TOX: variants seen among roughly 807,000 people sequenced by gnomAD.
TOX encodes the protein thymocyte selection associated high mobility group box, also known as thymocyte selection-associated high mobility group box protein TOX.
Under a neutral mutation model 53.7 loss-of-function variants are expected in TOX, and 11 were observed. That is an observed-to-expected ratio of 0.20 (90% CI 0.13 to 0.34). TOX has a LOEUF of 0.34. Ranked by LOEUF, TOX falls within the 10% of genes least tolerant of loss-of-function variation. TOX has a pLI of 1.00. For synonymous variants in TOX, 225 were observed against 245.3 expected, an observed-to-expected ratio of 0.92 and a Z score of 0.77; for missense variants, 570 against 664.6, an observed-to-expected ratio of 0.86 and a Z score of 1.56.
chr8:58,890,593 G>T (rs112182842), intron 3 of TOX, among the ~76,000 whole-genome samples: 1 of 152,182 alleles, frequency 6.6e-6, no homozygotes, highest in South Asian at 2.1e-4. Context: ...AAGGGCAACA[G>T]TGTCATATAA....
intron 2 of TOX, among the ~76,000 whole-genome samples, chr8:58,946,089 A>C (rs1197616606): frequency 6.6e-6 from 1 of 151,574 alleles, no homozygotes; most frequent in Non-Finnish European, 1.5e-5. Context: ...TTGAAAGATA[A>C]ATAAATAGTA....
chr8:59,083,725 T>A (rs1804456091), intron 1 of TOX, among the ~76,000 whole-genome samples: 1 of 152,174 alleles, frequency 6.6e-6, no homozygotes, highest in Non-Finnish European at 1.5e-5. Flanking sequence ...CTCTGCACCA[T>A]GTACATCTGT....
chr8:58,910,627 AAAGT>A (rs1811892932), intron 3 of TOX, among the ~76,000 whole-genome samples: 1 of 152,228 alleles, frequency 6.6e-6, no homozygotes, highest in Admixed American at 6.5e-5. Context: ...TTGAAAGTTT[AAAGT>A]AAGTGAATTA....
intron 1 of TOX, among the ~76,000 whole-genome samples, chr8:59,075,834 C>T (rs1358913125): frequency 6.6e-6 from 1 of 151,862 alleles, no homozygotes. Context: ...GAAGAAACCC[C>T]GTCTCTACTA....
intron 7 of TOX, 116 bp downstream of exon 7, chr8:58,815,222 A>G: frequency 2.2e-6 from 3 of 1,338,172 alleles, no homozygotes; most frequent in Non-Finnish European, 3.0e-6. Flanking sequence ...TGACTTAAAT[A>G]GAAGGATAGA....
At chr8:59,048,014 T>C (rs1363689452) in intron 1 of TOX, among the ~76,000 whole-genome samples, 1 of 152,200 alleles carries the variant, frequency 6.6e-6, no homozygotes, top group Non-Finnish European at 1.5e-5. Flanking sequence ...ATTATTATTA[T>C]AGTAATGTAC....
At chr8:58,947,605 G>C (rs1023113411) in intron 2 of TOX, among the ~76,000 whole-genome samples, 1 of 151,888 alleles carries the variant, frequency 6.6e-6, no homozygotes, top group Non-Finnish European at 1.5e-5. Context: ...CTCTATACTA[G>C]GAAAAAAAAG....
intron 1 of TOX, among the ~76,000 whole-genome samples, chr8:58,990,084 G>A (rs924645801): frequency 3.3e-5 from 5 of 152,200 alleles, no homozygotes; most frequent in Non-Finnish European, 7.3e-5. Context: ...ATATCCCACT[G>A]TCCCAAGCTC....
At position 58,977,827 on chromosome 8, in the gene TOX, C is replaced by T; in HGVS notation, c.103-17819G>A. Among the ~76,000 whole-genome samples, 2 of 151,940 alleles carry T rather than the reference C, an allele frequency of 1.3e-5. 1 individual carries two copies. The highest frequency in any genetic ancestry group is 2.9e-5 in the Non-Finnish European group (2 of 67,994). Reference sequence around the variant, plus strand: ...TTATATAGGTGCAGTTCATGACACCCCAAAACAATTACACTAATAACATCA... The same window carrying T: ...TTATATAGGTGCAGTTCATGACACCTCAAAACAATTACACTAATAACATCA... On this transcript the variant is annotated intron_variant, in intron 1 of 8. Coordinates refer to ENST00000361421, the MANE Select transcript of TOX (RefSeq NM_014729.3).
intron 1 of TOX, among the ~76,000 whole-genome samples, chr8:59,067,317 G>A (rs906007637): frequency 6.6e-6 from 1 of 152,180 alleles, no homozygotes; most frequent in Non-Finnish European, 1.5e-5. Context: ...ACTTTGGGAG[G>A]TCGAGGAGGG....
chr8:58,872,695 C>T (rs1424076603), intron 3 of TOX, among the ~76,000 whole-genome samples: 2 of 152,072 alleles, frequency 1.3e-5, no homozygotes, highest in Admixed American at 6.6e-5. Context: ...ATCTGATGGT[C>T]TCAAAATTGC....
chr8:59,043,544 T>C (rs1803632029), intron 1 of TOX, among the ~76,000 whole-genome samples: 1 of 152,202 alleles, frequency 6.6e-6, no homozygotes, highest in Non-Finnish European at 1.5e-5. Flanking sequence ...ATATCATGTC[T>C]CATAGATCCT....
intron 4 of TOX, among the ~76,000 whole-genome samples, chr8:58,845,759 G>A (rs1169087899): frequency 2.0e-5 from 3 of 151,972 alleles, no homozygotes; most frequent in African/African-American, 4.8e-5. Context: ...GGCACTCAGC[G>A]GCCTTATGTG....
At chr8:58,882,867 T>C (rs1811406907) in intron 3 of TOX, among the ~76,000 whole-genome samples, 1 of 152,158 alleles carries the variant, frequency 6.6e-6, no homozygotes, top group African/African-American at 2.4e-5. Context: ...AACTGTCTCA[T>C]GCAAGCTTCA....
intron 1 of TOX, among the ~76,000 whole-genome samples, chr8:59,103,508 A>T (rs937164803): frequency 6.6e-6 from 1 of 152,322 alleles, no homozygotes; most frequent in East Asian, 1.9e-4. Context: ...AATAGACATG[A>T]GTGTGTTGTA....
At chr8:58,933,428 C>T (rs1233535695) in intron 3 of TOX, among the ~76,000 whole-genome samples, 2 of 152,098 alleles carry the variant, frequency 1.3e-5, no homozygotes, top group Non-Finnish European at 2.9e-5. Context: ...TAAAATAGTT[C>T]CGTAGTTTCC....
intron 1 of TOX, among the ~76,000 whole-genome samples, chr8:59,092,022 T>A (rs1386950092): frequency 6.6e-6 from 1 of 151,526 alleles, no homozygotes; most frequent in Non-Finnish European, 1.5e-5. Context: ...GGCTGGGGCA[T>A]GTGGATTGCC....
intron 1 of TOX, among the ~76,000 whole-genome samples, chr8:59,040,727 G>A (rs982919922): frequency 6.6e-5 from 10 of 152,194 alleles, no homozygotes; most frequent in Admixed American, 2.6e-4. Flanking sequence ...GAAAGTCCAA[G>A]GGTAGTTCAG....
intron 3 of TOX, among the ~76,000 whole-genome samples, chr8:58,885,947 C>T (rs1811460082): frequency 6.6e-6 from 1 of 152,074 alleles, no homozygotes; most frequent in Non-Finnish European, 1.5e-5. Context: ...TTAAACCATG[C>T]CTCCATCCAC....
Sources: allele counts gnomAD v4.1 joint callset (sites outside exome capture counted in the v4.1 genomes callset), GRCh38; gene constraint gnomAD v4.1.1; transcripts MANE v1.5; gene names NCBI Gene and HGNC (gene_info 2026-07-23, HGNC 2026-07-21).